Variants in MACF1 observed in about 807,000 individuals in gnomAD.
MACF1 encodes microtubule-actin cross-linking factor 1.
A neutral mutation model predicts 854.8 loss-of-function variants in MACF1; 193 were observed. The observed-to-expected ratio is 0.23, with a 90% CI of 0.20 to 0.25. MACF1 has a LOEUF of 0.25. MACF1 is among the 10% of genes least tolerant of loss of function. MACF1 has a pLI of 1.00. For missense variants in MACF1, 7,722 were observed against 8,929.1 expected (o/e 0.86, Z 5.45); for synonymous variants, 3,185 against 3,226.7 (o/e 0.99, Z 0.44).
intron 46 of MACF1, 40 bp downstream of exon 46, chr1:39,358,913 T>C (rs887677971): frequency 2.6e-6 from 4 of 1,563,998 alleles, no homozygotes; most frequent in African/African-American, 1.4e-5. Flanking sequence ...GTCAAGACCT[T>C]GTATTCCATG....
chr1:39,096,705 T>C (rs148686680), intron 2 of MACF1, among the ~76,000 whole-genome samples: 91 of 152,114 alleles, frequency 6.0e-4, no homozygotes, highest in African/African-American at 2.2e-3. Context: ...GTGGCACAAT[T>C]GTAGCTCACT....
rs1165479518 is a variant in MACF1 at position 39,088,197 on chromosome 1, C to T, written c.220+3759C>T. Among the ~76,000 whole-genome samples, 3 of 152,144 alleles carry T rather than the reference C, an allele frequency of 2.0e-5. No individual in the cohort carries two copies. The East Asian group carries it at 5.8e-4, about 29-fold the overall frequency. ...CCATGTTAGCCAGGATGGTCTCCATCTCCTGACCTCGTGATCCGCCCGCCT... is the reference window on the plus strand; with the variant it reads ...CCATGTTAGCCAGGATGGTCTCCATTTCCTGACCTCGTGATCCGCCCGCCT... On this transcript the variant is annotated intron_variant, in intron 2 of 93. Transcript: ENST00000361689.
At chr1:39,123,095 G>C (rs1642759187) in intron 2 of MACF1, among the ~76,000 whole-genome samples, 1 of 152,068 alleles carries the variant, frequency 6.6e-6, no homozygotes, top group Non-Finnish European at 1.5e-5. Flanking sequence ...GGTGATCCAG[G>C]AGGAGGAGGA....
At chr1:39,304,422 G>T in intron 23 of MACF1, 1 of 1,254,958 alleles carries the variant, frequency 8.0e-7, no homozygotes, top group Non-Finnish European at 1.1e-6. Context: ...CTAACTGGTT[G>T]ACCCTCTCCA....
chr1:39,470,250 T>G (rs1644750977), intron 97 of MACF1, among the ~76,000 whole-genome samples: 2 of 152,212 alleles, frequency 1.3e-5, no homozygotes, highest in Admixed American at 6.5e-5. Flanking sequence ...TCACATGAAT[T>G]CAGATATGCC....
chr1:39,328,909 C>G (rs1270743257), intron 36 of MACF1, among the ~76,000 whole-genome samples: 1 of 152,090 alleles, frequency 6.6e-6, no homozygotes. Flanking sequence ...CACTGCAGGC[C>G]TTTCTTCAAT....
At chr1:39,167,726 T>C (rs1052983007) in intron 2 of MACF1, among the ~76,000 whole-genome samples, 3 of 150,482 alleles carry the variant, frequency 2.0e-5, no homozygotes, top group Non-Finnish European at 4.4e-5. Flanking sequence ...AAAAAAAAAT[T>C]AGCTGGGTGT....
intron 2 of MACF1, among the ~76,000 whole-genome samples, chr1:39,151,362 G>A (rs1049450793): frequency 6.6e-6 from 1 of 151,854 alleles, no homozygotes; most frequent in Admixed American, 6.6e-5. Flanking sequence ...CTTCCTTTTC[G>A]TTACTGCCAG....
intron 5 of MACF1, chr1:39,254,616 A>C: frequency 4.5e-6 from 2 of 440,010 alleles, no homozygotes; most frequent in Non-Finnish European, 8.1e-6. Context: ...ATGATGATAA[A>C]GATGGAATTT....
chr1:39,418,866 A>AAG (rs1378875135), intron 58 of MACF1, among the ~76,000 whole-genome samples: 1 of 152,182 alleles, frequency 6.6e-6, no homozygotes, highest in Non-Finnish European at 1.5e-5. Context: ...CTGTCTCAAA[A>AAG]AAAAAAAAAT....
intron 80 of MACF1, among the ~76,000 whole-genome samples, chr1:39,446,303 A>C (rs1228053880): frequency 1.4e-5 from 2 of 141,354 alleles, no homozygotes; most frequent in Non-Finnish European, 3.0e-5. Flanking sequence ...TATATCTTTT[A>C]TATCTATAAA....
intron 1 of MACF1, among the ~76,000 whole-genome samples, chr1:39,213,893 TAGTA>T (rs1362602479): frequency 1.3e-5 from 2 of 152,154 alleles, no homozygotes; most frequent in African/African-American, 4.8e-5. Flanking sequence ...GAACCTTTAT[TAGTA>T]AGCAGTAACA....
At chr1:39,157,257 A>G (rs1019381854) in intron 2 of MACF1, among the ~76,000 whole-genome samples, 5 of 152,352 alleles carry the variant, frequency 3.3e-5, no homozygotes, top group Non-Finnish European at 7.3e-5. Flanking sequence ...GGTGTGAGCC[A>G]CCACACCCAG....
chr1:39,411,593 T>A (rs752104958), intron 58 of MACF1: 4 of 1,613,942 alleles, frequency 2.5e-6, no homozygotes, highest in South Asian at 2.2e-5. Flanking sequence ...GAGGGACTTG[T>A]TTCAGATTCA....
intron 2 of MACF1, among the ~76,000 whole-genome samples, chr1:39,142,207 G>A (rs1571093437): frequency 6.6e-6 from 1 of 152,184 alleles, no homozygotes; most frequent in African/African-American, 2.4e-5. Flanking sequence ...AGAGACAGCT[G>A]GACAGCTGAC....
chr1:39,268,545 A>T, intron 6 of MACF1: 1 of 1,162,692 alleles, frequency 8.6e-7, no homozygotes, highest in Non-Finnish European at 1.1e-6. Context: ...AGACAGAGAG[A>T]GGCGGGGAGG....
At chr1:39,393,196 A>AAAAAAAAAAAAAAAAATATATAT (rs57576149) in intron 58 of MACF1, among the ~76,000 whole-genome samples, 9 of 66,568 alleles carry the variant, frequency 1.4e-4, no homozygotes, top group Non-Finnish European at 2.3e-4. Flanking sequence ...AAAAAAAAAA[A>AAAAAAAAAAAAAAAAATATATAT]ATATATATAT....
rs755591226 is a variant in MACF1, at chr1:39,233,808, T to TTTTTTTTTTTTTTTG, written c.171+2565_171+2566insTTTTTTTTTTTTTTG. ...TTTTTTTTTTTTTTTATTTATTTTT[T>TTTTTTTTTTTTTTTG]ATTGATAATTCTTGGGTGTTTCTCA... On this transcript the variant is annotated intron_variant, in intron 2 of 100. Coordinates refer to ENST00000564288, the MANE Select transcript of MACF1 (RefSeq NM_001394062.1). Among the ~76,000 whole-genome samples, 2 of 65,772 alleles carry TTTTTTTTTTTTTTTG rather than the reference T, an allele frequency of 3.0e-5. 1 individual carries two copies. Among genetic ancestry groups the TTTTTTTTTTTTTTTG allele is most frequent in the Non-Finnish European group, 6.6e-5 (2 of 30,152 alleles). The allele number at this position is 65,772 out of a possible 152,430, so 43.1% of individuals were successfully genotyped here. A position where few individuals can be genotyped will look rare whatever the true frequency, so the allele number is the denominator to read the frequency against.
chr1:39,455,621 G>T (rs1304556204), intron 89 of MACF1, among the ~76,000 whole-genome samples: 2 of 151,892 alleles, frequency 1.3e-5, no homozygotes, highest in African/African-American at 4.8e-5. Context: ...ATTACATAGA[G>T]TGTGCATACA....
Sources: allele counts gnomAD v4.1 joint callset (sites outside exome capture counted in the v4.1 genomes callset), GRCh38; gene constraint gnomAD v4.1.1; transcripts MANE v1.5; gene names NCBI Gene and HGNC (gene_info 2026-07-23, HGNC 2026-07-21).